Variants in EYA2 observed in about 807,000 individuals in gnomAD.
The protein encoded by EYA2 is protein phosphatase EYA2.
A neutral mutation model predicts 69.2 loss-of-function variants in EYA2; 31 were observed. The ratio of observed to expected loss-of-function variants is 0.45; its 90% CI spans 0.34 to 0.60. The LOEUF is 0.60. Ranked by LOEUF, EYA2 falls within the 20% of genes least tolerant of loss-of-function variation. The pLI, the probability that EYA2 is intolerant of heterozygous loss-of-function variation, is 0.02. For missense variants in EYA2, 622 were observed against 701.2 expected (o/e 0.89, Z 1.28); for synonymous variants, 257 against 279.4 (o/e 0.92, Z 0.80).
At chr20:47,158,202 T>C (rs1464102002) in intron 10 of EYA2, among the ~76,000 whole-genome samples, 2 of 151,936 alleles carry the variant, frequency 1.3e-5, no homozygotes, top group African/African-American at 2.4e-5. Context: ...AATAACCATA[T>C]TTTGTAATTT....
At chr20:47,036,361 T>C (rs898760720) in intron 5 of EYA2, among the ~76,000 whole-genome samples, 3 of 152,158 alleles carry the variant, frequency 2.0e-5, no homozygotes, top group Non-Finnish European at 4.4e-5. Flanking sequence ...TATCAAATTT[T>C]GAAATAAAGA....
intron 1 of EYA2, among the ~76,000 whole-genome samples, chr20:46,987,964 C>CTCTCTCTCTCTCTCTATA (rs1555809797): frequency 2.7e-4 from 3 of 11,272 alleles, no homozygotes; most frequent in African/African-American, 5.5e-4. Flanking sequence ...CTCTCTCTCT[C>CTCTCTCTCTCTCTCTATA]TATATATATA....
chr20:47,187,918 A>G (rs3818011), intron 15 of EYA2, 135 bp from the exon 16 acceptor site: 413,487 of 824,184 alleles, frequency 0.5, 107,678 homozygotes, highest in African/African-American at 0.81. Flanking sequence ...AGCAACATCA[A>G]GTGCCCCATA....
Position 47,173,513 on chromosome 20 carries a change from A to AAAAG in EYA2, c.1198+649_1198+650insGAAA, listed in dbSNP as rs1465464026. Among the ~76,000 whole-genome samples, 92 of 149,586 alleles carry AAAAG rather than the reference A, an allele frequency of 6.2e-4. 1 individual carries two copies. In the South Asian group the frequency reaches 8.9e-3, roughly 14 times the overall value. ...GGGCAACAAAGTGAGACCCCGTAAA[A>AAAAG]AAAAAAAAAAAAAAAAAAACGTGCA... On this transcript the variant is annotated intron_variant, in intron 12 of 15. Transcript: ENST00000327619.
chr20:46,902,422 G>A (rs1260370303), intron 1 of EYA2, among the ~76,000 whole-genome samples: 3 of 152,196 alleles, frequency 2.0e-5, no homozygotes, highest in South Asian at 2.1e-4. Flanking sequence ...TAGATGGAAC[G>A]TGCTGTTATT....
chr20:47,116,869 C>T (rs867274475), intron 9 of EYA2, among the ~76,000 whole-genome samples: 8 of 152,352 alleles, frequency 5.3e-5, no homozygotes, highest in Middle Eastern at 6.8e-3. Context: ...ATGGAAACTC[C>T]TCTTAGTAGA....
At chr20:47,006,967 G>C (rs8124733) in intron 4 of EYA2, among the ~76,000 whole-genome samples, 3,539 of 152,240 alleles carry the variant, frequency 0.023, 132 homozygotes, top group African/African-American at 0.08. Context: ...ATCTCACTCT[G>C]TTGTCCAGCC....
intron 4 of EYA2, among the ~76,000 whole-genome samples, chr20:47,008,497 A>G (rs1464991457): frequency 6.6e-6 from 1 of 152,260 alleles, no homozygotes; most frequent in Non-Finnish European, 1.5e-5. Context: ...TAGAAGGCTT[A>G]GAATACAATC....
intron 9 of EYA2, among the ~76,000 whole-genome samples, chr20:47,110,603 T>G (rs1435429194): frequency 6.6e-6 from 1 of 152,242 alleles, no homozygotes; most frequent in Non-Finnish European, 1.5e-5. Context: ...GCCTCTGGAA[T>G]GAACTCTTCT....
intron 9 of EYA2, among the ~76,000 whole-genome samples, chr20:47,104,946 G>A (rs771799113): frequency 2.1e-4 from 32 of 152,250 alleles, no homozygotes; most frequent in Non-Finnish European, 3.7e-4. Context: ...CCTTGAACCC[G>A]GGAGGTGGAG....
Position 47,089,292 on chromosome 20 carries a change from G to A in EYA2, c.715G>A (p.Asp239Asn). Residue 239 changes from aspartate to asparagine, a missense_variant, in exon 8 of 16, where the codon GAC (aspartate) becomes AAC (asparagine). Physicochemically the swap from Asp to Asn is conservative, Grantham distance 23. Around this residue, in one of 2 missense-constraint regions of EYA2, gnomAD observed 365 missense variants for 349.7 expected, o/e 1.04. Transcript: ENST00000327619. ...CACACCAGCGAAAGAGGGAGACACA[G>A]ACAGGCCGCACCGGGCCTCCGACGG... ...PSTPAKEGDTDRPHRASDGKL... is the reference protein window; with the variant it reads ...PSTPAKEGDTNRPHRASDGKL... 1 of 1,614,162 alleles carries A rather than the reference G, an allele frequency of 6.2e-7. No homozygotes were observed.
rs140578146 is a variant in EYA2 at position 47,150,138 on chromosome 20, AC to A, written c.978+6991del. 6.2e-4 allele frequency among the ~76,000 whole-genome samples: 94 copies of A among 152,312 alleles called. 4 individuals carry two copies. In the East Asian group the frequency reaches 0.017, roughly 28 times the overall value. On this transcript the variant is annotated intron_variant, in intron 10 of 15. Transcript: ENST00000327619. The stretch of plus-strand genomic sequence containing the variant: ...ATCTGGCCAGGGAGTCAATGGTCGC[AC>A]AGCAGTGGCTGAGGTTGGAGGCACC...
intron 7 of EYA2, among the ~76,000 whole-genome samples, chr20:47,087,878 C>T (rs920599974): frequency 6.6e-6 from 1 of 152,266 alleles, no homozygotes; most frequent in Non-Finnish European, 1.5e-5. Context: ...TATATAATCT[C>T]ATTTACTTCT....
chr20:47,155,227 C>T (rs1324064366), intron 10 of EYA2, among the ~76,000 whole-genome samples: 2 of 151,974 alleles, frequency 1.3e-5, no homozygotes, highest in Non-Finnish European at 2.9e-5. Context: ...TGCATAGCAC[C>T]TTATGCAAAG....
At chr20:47,144,685 A>C (rs1325287186) in intron 10 of EYA2, among the ~76,000 whole-genome samples, 2 of 152,200 alleles carry the variant, frequency 1.3e-5, no homozygotes, top group Non-Finnish European at 2.9e-5. Context: ...ACATCTATAA[A>C]ATGGAATTGG....
intron 9 of EYA2, among the ~76,000 whole-genome samples, chr20:47,130,312 G>A (rs11086197): frequency 4.4e-5 from 5 of 114,928 alleles, no homozygotes; most frequent in African/African-American, 1.9e-4. Flanking sequence ...TAGCCCAGGT[G>A]GGAGTGCAGT....
chr20:46,901,067 G>C (rs544022871), intron 1 of EYA2: 1 of 152,120 alleles, frequency 6.6e-6, no homozygotes, highest in African/African-American at 2.4e-5. Flanking sequence ...GCGGGTTTCC[G>C]AGCCCGTGGT....
At position 47,014,673 on chromosome 20, in the gene EYA2, GTGA is replaced by G. The variant is rs1410126543; in HGVS notation, c.299-1504_299-1502del. ...GTGTGTGTGTGTGTGTGTGTGTGGT[GTGA>G]TGACTATAAGCTGCAGCAAATACAT... On this transcript the variant is annotated intron_variant, in intron 4 of 15. Transcript: ENST00000327619. Among the ~76,000 whole-genome samples, 5 of 130,104 alleles carry G rather than the reference GTGA, an allele frequency of 3.8e-5. No homozygotes were observed. The East Asian group carries it at 8.5e-4, about 22-fold the overall frequency. 85.4% of individuals were successfully genotyped at this position (130,104 alleles called of 152,430 possible). A position where few individuals can be genotyped will look rare whatever the true frequency, so the allele number is the denominator to read the frequency against.
At chr20:47,037,427 G>A (rs370026412) in intron 5 of EYA2, among the ~76,000 whole-genome samples, 187 of 152,280 alleles carry the variant, frequency 1.2e-3, no homozygotes, top group African/African-American at 3.8e-3. Flanking sequence ...GCATTATTAC[G>A]TGTTGCATTG....
Sources: allele counts gnomAD v4.1 joint callset (sites outside exome capture counted in the v4.1 genomes callset), GRCh38; gene constraint gnomAD v4.1.1; regional missense constraint gnomAD v4.1.1; transcripts MANE v1.5; gene names NCBI Gene and HGNC (gene_info 2026-07-23, HGNC 2026-07-21).